Variants in PPP2R5C observed in about 807,000 individuals in gnomAD.
The protein encoded by PPP2R5C is protein phosphatase 2 regulatory subunit B'gamma.
Under a neutral mutation model 68.9 loss-of-function variants are expected in PPP2R5C, and 7 were observed. The observed-to-expected ratio is 0.10, with a 90% confidence interval of 0.06 to 0.19. PPP2R5C has a LOEUF of 0.19. Ranked by LOEUF, PPP2R5C falls within the 10% of genes least tolerant of loss-of-function variation. PPP2R5C has a pLI of 1.00. For synonymous variants in PPP2R5C, 210 were observed against 222.2 expected, an observed-to-expected ratio of 0.95 and a Z score of 0.49; for missense variants, 348 against 641.3, an observed-to-expected ratio of 0.54 and a Z score of 4.94.
chr14:101,824,408 T>C (rs2140292865), intron 1 of PPP2R5C: 1 of 215,506 alleles, frequency 4.6e-6, no homozygotes. Flanking sequence ...ATGTTTACAA[T>C]GTAGTGAAAA....
chr14:101,789,195 T>C (rs1444526636), intron 3 of PPP2R5C, among the ~76,000 whole-genome samples: 2 of 152,258 alleles, frequency 1.3e-5, no homozygotes, highest in African/African-American at 4.8e-5. Flanking sequence ...AGACTAGTTA[T>C]TTTAATTTTA....
chr14:101,794,644 G>T (rs891427371), intron 3 of PPP2R5C, among the ~76,000 whole-genome samples: 4 of 152,132 alleles, frequency 2.6e-5, no homozygotes, highest in Admixed American at 6.6e-5. Context: ...TATTTTCCAA[G>T]GCCACTTTCA....
At chr14:101,850,629 C>T (rs2042101943) in intron 1 of PPP2R5C, among the ~76,000 whole-genome samples, 1 of 152,152 alleles carries the variant, frequency 6.6e-6, no homozygotes, top group South Asian at 2.1e-4. Flanking sequence ...CAGGAATCAA[C>T]CAGACATTAA....
intron 1 of PPP2R5C, among the ~76,000 whole-genome samples, chr14:101,841,196 C>G (rs1476885818): frequency 6.6e-6 from 1 of 152,088 alleles, no homozygotes; most frequent in African/African-American, 2.4e-5. Flanking sequence ...AGTTGGGACT[C>G]CAGCTGGGCT....
chr14:101,843,435 TAGTC>T (rs976760205), intron 1 of PPP2R5C: 1 of 220,918 alleles, frequency 4.5e-6, no homozygotes, highest in African/African-American at 2.3e-5. Flanking sequence ...AATAGCCCCC[TAGTC>T]AGTCATCCAG....
upstream of PPP2R5C, chr14:101,809,803 A>T (rs2039242754): frequency 7.5e-7 from 1 of 1,340,904 alleles, no homozygotes; most frequent in Admixed American, 3.8e-5. Context: ...CCAATCAGCG[A>T]GCTTCATGCC....
rs552320849 is a variant in PPP2R5C, at chr14:101,925,142, C to G, written c.1445C>G (p.Ala482Gly). 105 of 1,613,810 alleles carry G rather than the reference C, an allele frequency of 6.5e-5. 2 individuals are homozygous for G. The highest frequency in any genetic ancestry group is 5.8e-5 in the Non-Finnish European group (69 of 1,179,926). ...ACGCCATTGCATTTCTAATTCCAGG[C>G]ACAGAAAGATCCGAAGAAGGACCGT... is the stretch of plus-strand genomic sequence containing the variant. Residue 482 changes from alanine (A) to glycine (G), a missense_variant and splice_region_variant, in exon 14 of 14, where the codon GCA becomes GGA. Transcript: ENST00000334743.
chr14:101,861,170 A>G (rs924133582), intron 2 of PPP2R5C, among the ~76,000 whole-genome samples: 10 of 152,220 alleles, frequency 6.6e-5, no homozygotes, highest in African/African-American at 2.2e-4. Flanking sequence ...AACAGTAACT[A>G]AAGAGTTAAG....
intron 2 of PPP2R5C, among the ~76,000 whole-genome samples, chr14:101,785,224 G>T (rs1037208218): frequency 1.3e-5 from 2 of 152,158 alleles, no homozygotes; most frequent in African/African-American, 4.8e-5. Flanking sequence ...TGGTGAGCCA[G>T]CAGGGAACAC....
At chr14:101,847,682 TC>T (rs1555391185) in intron 1 of PPP2R5C, among the ~76,000 whole-genome samples, 2 of 149,866 alleles carry the variant, frequency 1.3e-5, no homozygotes, top group African/African-American at 2.5e-5. Flanking sequence ...TTTTTTTTTT[TC>T]CTGAGACGGA....
Position 101,835,071 on chromosome 14 carries a change from T to G in PPP2R5C, c.95-21615T>G, listed in dbSNP as rs564200484. The stretch of plus-strand genomic sequence containing the variant: ...ACATTCACAGTAAGGAAAAAAAAAA[T>G]GCAGCCTGTGTCTTCAGGGACTGGG... On this transcript the variant is annotated intron_variant, in intron 1 of 13. Transcript: ENST00000334743. The surrounding 1 kb of genome is among the most constrained non-coding windows in gnomAD (Gnocchi z 5.0). Among the ~76,000 whole-genome samples the G allele has an allele frequency of 2.0e-4, 31 of 151,418 alleles. No homozygotes were observed. Among genetic ancestry groups the G allele is most frequent in the Admixed American group, 5.9e-4 (9 of 15,222 alleles).
intron 8 of PPP2R5C, among the ~76,000 whole-genome samples, chr14:101,895,327 A>G (rs2045246612): frequency 6.6e-6 from 1 of 152,222 alleles, no homozygotes. Flanking sequence ...TAAAATACAT[A>G]TAACATAAAA....
At chr14:101,809,392 T>TA (rs549966280), upstream of PPP2R5C, among the ~76,000 whole-genome samples, 5,024 of 116,410 alleles carry the variant, frequency 0.043, 222 homozygotes, top group African/African-American at 0.13. Flanking sequence ...AACCATTTGT[T>TA]AAAAAAAAAA....
chr14:101,813,210 C>T (rs1019825951), intron 1 of PPP2R5C, among the ~76,000 whole-genome samples: 5 of 152,236 alleles, frequency 3.3e-5, no homozygotes, highest in Non-Finnish European at 5.9e-5. Flanking sequence ...TAAGTGGACA[C>T]ACCTGTCTTG....
intron 12 of PPP2R5C, 117 bp downstream of exon 14, chr14:101,912,590 A>G: frequency 7.3e-7 from 1 of 1,360,638 alleles, no homozygotes. Context: ...TGTATATGAA[A>G]ATGTCTGCAA....
rs563516462 is a variant in PPP2R5C, at chr14:101,832,202, C to G, written c.94+22166C>G. ...CAACATAGAAATCTACAGTGTAGGC[C>G]AAATAGAGGATTTCTTGTTATCTTC... On this transcript the variant is annotated intron_variant, in intron 1 of 13. Transcript: ENST00000334743. 1.2e-4 allele frequency among the ~76,000 whole-genome samples: 19 copies of G among 152,234 alleles called. No individual in the cohort carries two copies. In the South Asian group the frequency reaches 3.7e-3, roughly 30 times the overall value.
chr14:101,916,449 G>A lies in PPP2R5C; in HGVS notation c.1327-1382G>A, dbSNP rs2046675130. Among the ~76,000 whole-genome samples, 1 of 152,208 alleles carries A rather than the reference G, an allele frequency of 6.6e-6. No homozygotes were observed. The highest frequency in any genetic ancestry group is 1.5e-5 in the Non-Finnish European group (1 of 68,026). On this transcript the variant is annotated intron_variant, in intron 12 of 13. Coordinates refer to ENST00000334743, the Ensembl canonical transcript of PPP2R5C. The surrounding 1 kb of genome is among the most constrained non-coding windows in gnomAD (Gnocchi z 5.5). ...GAAAAGGCCGAAGACAGCCCACAGA[G>A]GAAGGAGCCCAAGGCACCTGGAGGA...
chr14:101,901,306 C>T (rs1416204698), intron 8 of PPP2R5C, among the ~76,000 whole-genome samples: 4 of 151,820 alleles, frequency 2.6e-5, no homozygotes, highest in African/African-American at 9.7e-5. Flanking sequence ...TGGACTCTTA[C>T]TGAAATGGTG....
rs376832846 is a variant in PPP2R5C at position 101,920,135 on chromosome 14, A to G, written c.1443+2188A>G. ...CCTGAAAGGTGTGTGCATATTTGCA[A>G]TTTAGGTCCTGCTCTGTAGTAGATC... On this transcript the variant is annotated intron_variant, in intron 13 of 13. Transcript: ENST00000334743. Among the ~76,000 whole-genome samples, 23 of 152,338 alleles carry G rather than the reference A, an allele frequency of 1.5e-4. No individual in the cohort carries two copies. The South Asian group carries it at 3.9e-3, about 26-fold the overall frequency.
Sources: gnomAD v4.1 joint callset for allele counts (sites outside exome capture counted in the v4.1 genomes callset) on GRCh38, gnomAD v4.1.1 for gene constraint, Gnocchi (gnomAD v3.1) non-coding constraint, MANE v1.5 for transcripts, NCBI Gene and HGNC (gene_info 2026-07-23, HGNC 2026-07-21) for gene names.